Variants in PALD1 observed in about 807,000 individuals in gnomAD.
PALD1 encodes paladin.
In PALD1, 57 loss-of-function variants were observed where a neutral mutation model predicts 96.0. That is an observed-to-expected ratio of 0.59 (90% confidence interval 0.48 to 0.74). The LOEUF (loss-of-function observed/expected upper bound fraction) is 0.74. PALD1 is among the 30% of genes least tolerant of loss of function. PALD1 has a pLI of 0.00. For synonymous variants in PALD1, 464 were observed against 473.6 expected, an observed-to-expected ratio of 0.98 and a Z score of 0.26; for missense variants, 1,063 against 1,143.7, an observed-to-expected ratio of 0.93 and a Z score of 1.02.
chr10:70,510,043 A>G (rs1222751679), intron 1 of PALD1, among the ~76,000 whole-genome samples: 3 of 152,126 alleles, frequency 2.0e-5, no homozygotes, highest in Admixed American at 6.5e-5. Context: ...GTTCAACACT[A>G]CGGGGCAGCT....
chr10:70,513,924 G>A (rs569896641), intron 1 of PALD1, among the ~76,000 whole-genome samples: 3 of 152,320 alleles, frequency 2.0e-5, no homozygotes, highest in Non-Finnish European at 4.4e-5. Context: ...ACCGCTGCTG[G>A]CTGCGGGGCA....
upstream of PALD1, among the ~76,000 whole-genome samples, chr10:70,474,403 A>T (rs1387496695): frequency 1.3e-5 from 2 of 152,104 alleles, no homozygotes; most frequent in African/African-American, 4.8e-5. Flanking sequence ...TCTACTAAAA[A>T]TACAAAAATT....
At chr10:70,514,418 A>G (rs1219535835) in intron 1 of PALD1, among the ~76,000 whole-genome samples, 1 of 151,988 alleles carries the variant, frequency 6.6e-6, no homozygotes, top group African/African-American at 2.4e-5. Flanking sequence ...AGAAACACAT[A>G]ATTTAGCAGG....
At chr10:70,505,217 T>G (rs1846361472) in intron 1 of PALD1, among the ~76,000 whole-genome samples, 1 of 152,246 alleles carries the variant, frequency 6.6e-6, no homozygotes, top group Non-Finnish European at 1.5e-5. Flanking sequence ...CCTTGAAAGC[T>G]CCAAGCTCCA....
intron 17 of PALD1, among the ~76,000 whole-genome samples, chr10:70,542,358 T>C (rs1410740121): frequency 1.3e-5 from 2 of 152,270 alleles, no homozygotes; most frequent in African/African-American, 2.4e-5. Context: ...TACATTCACG[T>C]TGTTGTGCAA....
chr10:70,495,877 T>C (rs1589174486), intron 1 of PALD1, among the ~76,000 whole-genome samples: 1 of 150,068 alleles, frequency 6.7e-6, no homozygotes. Context: ...GCTGCGGTAG[T>C]GTGTGCCTGT....
At chr10:70,462,303 G>A in the PALD1 span, among the ~76,000 whole-genome samples, 1 of 152,254 alleles carries the variant, frequency 6.6e-6, no homozygotes, top group Non-Finnish European at 1.5e-5. Context: ...TTCTACTCCC[G>A]GCTCTGGGGC....
rs866066427 is a variant in PALD1 at position 70,546,720 on chromosome 10, G to A, written c.2122-586G>A. On this transcript the variant is annotated intron_variant, in intron 17 of 19. Transcript: ENST00000263563. Reference sequence around the variant, plus strand: ...CTTTCCAGCACTTTGGGAGGCCAAGGGTGTGGATTGCTTTAGCCCAGGAGT... The same window carrying A: ...CTTTCCAGCACTTTGGGAGGCCAAGAGTGTGGATTGCTTTAGCCCAGGAGT... Among the ~76,000 whole-genome samples the A allele has an allele frequency of 1.2e-4, 18 of 152,310 alleles. No homozygotes were observed. The Middle Eastern group carries it at 0.01, about 86-fold the overall frequency.
intron 1 of PALD1, among the ~76,000 whole-genome samples, chr10:70,508,784 CGTGTGTGTGT>C (rs111850326): frequency 0.26 from 26,162 of 99,674 alleles, 3,687 homozygotes; most frequent in East Asian, 0.39. Context: ...CTCTGTATGG[CGTGTGTGTGT>C]GTGTGTGTGT....
intron 18 of PALD1, among the ~76,000 whole-genome samples, chr10:70,559,084 T>A (rs1237163385): frequency 6.6e-6 from 1 of 152,148 alleles, no homozygotes; most frequent in Non-Finnish European, 1.5e-5. Context: ...CTCTCTTTGC[T>A]TTCTCCTGGT....
chr10:70,471,826 G>C, the PALD1 span, among the ~76,000 whole-genome samples: 9 of 152,210 alleles, frequency 5.9e-5, no homozygotes, highest in Admixed American at 2.0e-4. Context: ...GTCTTCCAGC[G>C]CTTAGGTTCT....
At chr10:70,462,111 C>G in the PALD1 span, among the ~76,000 whole-genome samples, 2 of 152,208 alleles carry the variant, frequency 1.3e-5, no homozygotes, top group African/African-American at 4.8e-5. Flanking sequence ...TGATTATCTA[C>G]CTGCATGTCC....
chr10:70,533,111 A>G (rs746766227), intron 7 of PALD1, 41 bp downstream of exon 7: 1 of 1,514,784 alleles, frequency 6.6e-7, no homozygotes, highest in South Asian at 1.2e-5. Context: ...GAGTCTTGAG[A>G]GTCGTCCCCA....
intron 1 of PALD1, among the ~76,000 whole-genome samples, chr10:70,510,852 C>G (rs993900377): frequency 6.6e-6 from 1 of 152,200 alleles, no homozygotes; most frequent in African/African-American, 2.4e-5. Flanking sequence ...CTGCAGCTGA[C>G]TCAGGGAAAG....
intron 2 of PALD1, among the ~76,000 whole-genome samples, chr10:70,527,457 CAAAT>C (rs1405402506): frequency 1.3e-5 from 2 of 152,168 alleles, no homozygotes; most frequent in Non-Finnish European, 2.9e-5. Context: ...CTGTTTTCTT[CAAAT>C]AAAGTTTTAT....
chr10:70,503,172 G>T (rs75981345), intron 1 of PALD1, among the ~76,000 whole-genome samples: 2,016 of 152,250 alleles, frequency 0.013, 47 homozygotes, highest in African/African-American at 0.045. Context: ...GAACCACCAT[G>T]CCCAGCCGAT....
intron 1 of PALD1, among the ~76,000 whole-genome samples, chr10:70,479,723 G>C (rs1479824466): frequency 2.6e-5 from 4 of 152,188 alleles, no homozygotes; most frequent in African/African-American, 9.7e-5. Context: ...ATGGCCCAGG[G>C]AATCTTCTGG....
At chr10:70,527,413 G>T (rs1846890526) in intron 2 of PALD1, among the ~76,000 whole-genome samples, 1 of 152,164 alleles carries the variant, frequency 6.6e-6, no homozygotes, top group Admixed American at 6.5e-5. Flanking sequence ...CAATAGAGGG[G>T]TCAGCAAACT....
chr10:70,562,460 C>A (rs1394301120), intron 18 of PALD1, among the ~76,000 whole-genome samples: 1 of 152,254 alleles, frequency 6.6e-6, no homozygotes, highest in African/African-American at 2.4e-5. Context: ...ACGTCTGAGG[C>A]CGCAGAGCCC....
Sources: allele counts gnomAD v4.1 joint callset (sites outside exome capture counted in the v4.1 genomes callset), GRCh38; gene constraint gnomAD v4.1.1; transcripts MANE v1.5; gene names NCBI Gene and HGNC (gene_info 2026-07-23, HGNC 2026-07-21).